Variants in ZEB1 observed in about 807,000 individuals in gnomAD.
The protein encoded by ZEB1 is zinc finger E-box binding homeobox 1.
In ZEB1, 21 loss-of-function variants were observed where a neutral mutation model predicts 84.9. The ratio of observed to expected loss-of-function variants is 0.25; its 90% CI spans 0.18 to 0.36. The LOEUF (loss-of-function observed/expected upper bound fraction) is 0.36. Ranked by LOEUF, ZEB1 falls within the 10% of genes least tolerant of loss-of-function variation. The pLI is 1.00. For synonymous variants in ZEB1, 420 were observed against 471.1 expected (o/e 0.89, Z 1.41); for missense variants, 1,104 against 1,330.2 (o/e 0.83, Z 2.65).
chr10:31,480,527 TA>T (rs963569182), intron 2 of ZEB1, among the ~76,000 whole-genome samples: 8 of 152,080 alleles, frequency 5.3e-5, no homozygotes, highest in African/African-American at 1.7e-4. Context: ...TGTACATATG[TA>T]AAATGAAAGC....
At position 31,319,280 on chromosome 10, in the gene ZEB1, C is replaced by A; in HGVS notation, c.46C>A (p.Arg16=). 1 of 1,608,234 alleles carries A rather than the reference C, an allele frequency of 6.2e-7. No individual in the cohort carries two copies. Among genetic ancestry groups the A allele is most frequent in the African/African-American group, 1.3e-5 (1 of 74,516 alleles). ...TAAGCGCAGAAAGCAGGCGAACCCG[C>A]GGCGCAATAACGGTGAGTGGCGGAG... is the stretch of plus-strand genomic sequence containing the variant. The part of the protein sequence containing the change: ...RCKRRKQANP[R]RNNVTNYNTV... Residue 16 remains arginine (R), a synonymous_variant, in exon 1 of 9, where the codon CGG becomes AGG. Transcript: ENST00000424869.
At chr10:31,336,898 A>G (rs1385290270) in intron 1 of ZEB1, among the ~76,000 whole-genome samples, 1 of 152,244 alleles carries the variant, frequency 6.6e-6, no homozygotes, top group Non-Finnish European at 1.5e-5. Context: ...AGGTACATTC[A>G]CTTTGGGAAA....
At chr10:31,495,987 C>CACTACA (rs944766558) in intron 3 of ZEB1, 149 bp downstream of exon 3, 10 of 782,704 alleles carry the variant, frequency 1.3e-5, no homozygotes, top group Non-Finnish European at 2.2e-5. Context: ...GCATATGGTG[C>CACTACA]ACTACATAAA....
intron 1 of ZEB1, among the ~76,000 whole-genome samples, chr10:31,411,482 AT>A (rs1303500990): frequency 4.6e-5 from 7 of 151,930 alleles, no homozygotes; most frequent in Middle Eastern, 3.2e-3. Context: ...ATACAAAAAA[AT>A]TAGCCGGGCG....
chr10:31,473,997 G>A (rs1482449857), intron 2 of ZEB1, among the ~76,000 whole-genome samples: 3 of 152,162 alleles, frequency 2.0e-5, no homozygotes, highest in African/African-American at 4.8e-5. Flanking sequence ...TGGGAAAACC[G>A]GCTAGCCATA....
intron 1 of ZEB1, among the ~76,000 whole-genome samples, chr10:31,446,332 T>C (rs2059771167): frequency 6.6e-6 from 1 of 152,200 alleles, no homozygotes; most frequent in African/African-American, 2.4e-5. Context: ...GCTAGTGGTC[T>C]ATCAATTTTG....
chr10:31,333,871 TC>T (rs1051977085), intron 1 of ZEB1, among the ~76,000 whole-genome samples: 7 of 152,028 alleles, frequency 4.6e-5, no homozygotes. Flanking sequence ...AAAAAGATAT[TC>T]CTGACACTAC....
At chr10:31,473,592 C>T (rs2063605118) in intron 2 of ZEB1, among the ~76,000 whole-genome samples, 1 of 150,266 alleles carries the variant, frequency 6.7e-6, no homozygotes, top group Non-Finnish European at 1.5e-5. Context: ...ATTCCATGCT[C>T]ATGGCTAGGA....
intron 8 of ZEB1, 105 bp downstream of exon 8, chr10:31,524,218 ATTT>A (rs2072960264): frequency 9.4e-7 from 1 of 1,058,632 alleles, no homozygotes; most frequent in African/African-American, 1.9e-5. Flanking sequence ...TTTTTTTTTT[ATTT>A]TGTTTTGAGA....
chr10:31,486,061 A>G (rs1279402418), intron 2 of ZEB1, among the ~76,000 whole-genome samples: 3 of 151,112 alleles, frequency 2.0e-5, no homozygotes, highest in East Asian at 1.9e-4. Flanking sequence ...GCGTGTATCA[A>G]TAGTTTGATC....
chr10:31,482,020 G>A (rs2065109051), intron 2 of ZEB1, among the ~76,000 whole-genome samples: 1 of 151,862 alleles, frequency 6.6e-6, no homozygotes, highest in Non-Finnish European at 1.5e-5. Context: ...AAGATTTTTT[G>A]CATAATTTTG....
intron 2 of ZEB1, among the ~76,000 whole-genome samples, chr10:31,485,566 G>A (rs965682531): frequency 6.6e-6 from 1 of 151,628 alleles, no homozygotes; most frequent in African/African-American, 2.4e-5. Context: ...ATTATCAGTT[G>A]GTCTTTCAAA....
At chr10:31,378,297 G>A (rs1052539685) in intron 1 of ZEB1, among the ~76,000 whole-genome samples, 1 of 151,320 alleles carries the variant, frequency 6.6e-6, no homozygotes, top group Admixed American at 6.6e-5. Context: ...GAGTAAAAAA[G>A]TATATGTATA....
chr10:31,388,171 A>C (rs1263444523), intron 1 of ZEB1, among the ~76,000 whole-genome samples: 2 of 152,194 alleles, frequency 1.3e-5, no homozygotes, highest in Non-Finnish European at 2.9e-5. Context: ...AGTCTTAGGC[A>C]AGAATACTTT....
At chr10:31,384,191 G>C (rs556220957) in intron 1 of ZEB1, among the ~76,000 whole-genome samples, 4 of 152,076 alleles carry the variant, frequency 2.6e-5, no homozygotes, top group African/African-American at 9.6e-5. Flanking sequence ...TCCCAGGCTG[G>C]TCTGGAGTTC....
At chr10:31,398,991 C>CTTTTT (rs34530318) in intron 1 of ZEB1, among the ~76,000 whole-genome samples, 1 of 133,144 alleles carries the variant, frequency 7.5e-6, no homozygotes. Flanking sequence ...GTCCTTTAGT[C>CTTTTT]TTTTTTTTTT....
chr10:31,479,933 A>T (rs1591718550), intron 2 of ZEB1, among the ~76,000 whole-genome samples: 1 of 152,030 alleles, frequency 6.6e-6, no homozygotes, highest in Non-Finnish European at 1.5e-5. Flanking sequence ...CAATGTTCCA[A>T]CATGTCTGTA....
At chr10:31,413,215 A>G (rs113042283) in intron 1 of ZEB1, among the ~76,000 whole-genome samples, 3 of 152,232 alleles carry the variant, frequency 2.0e-5, no homozygotes, top group Non-Finnish European at 4.4e-5. Context: ...TAGTATAGAC[A>G]TATAGAAGGA....
chr10:31,324,286 G>A (rs1203662048), intron 1 of ZEB1, among the ~76,000 whole-genome samples: 1 of 151,990 alleles, frequency 6.6e-6, no homozygotes, highest in Non-Finnish European at 1.5e-5. Context: ...TACCTCCTAT[G>A]TAGTAGCTTT....
Sources: gnomAD v4.1 joint callset for allele counts (sites outside exome capture counted in the v4.1 genomes callset) on GRCh38, gnomAD v4.1.1 for gene constraint, MANE v1.5 for transcripts, NCBI Gene and HGNC (gene_info 2026-07-23, HGNC 2026-07-21) for gene names.